Variants in PDE4D observed in about 807,000 individuals in gnomAD.
PDE4D encodes the protein phosphodiesterase 4D.
Under a neutral mutation model 87.4 loss-of-function variants are expected in PDE4D, and 24 were observed. The observed-to-expected ratio is 0.27, with a 90% CI of 0.20 to 0.39. PDE4D has a LOEUF of 0.39. Among genes scored for constraint, PDE4D ranks in the 10% least tolerant of loss-of-function variants. The pLI, the probability that PDE4D is intolerant of heterozygous loss-of-function variation, is 1.00. For missense variants in PDE4D, 714 were observed against 1,041.0 expected, an observed-to-expected ratio of 0.69 and a Z score of 4.32; for synonymous variants, 384 against 383.2, an observed-to-expected ratio of 1.00 and a Z score of -0.02.
chr5:60,181,984 A>C lies in PDE4D; in HGVS notation c.42+3573T>G, dbSNP rs1300500492. 2.0e-5 allele frequency among the ~76,000 whole-genome samples: 3 copies of C among 152,212 alleles called. No individual in the cohort carries two copies. In the East Asian group the frequency reaches 5.8e-4, roughly 29 times the overall value. ...TCCCTCCCCTGATTAGCTAAAAGCC[A>C]GTAAGAAAGCAGGCATTAGCAGAGG... On this transcript the variant is annotated intron_variant, in intron 2 of 16. Coordinates refer to the PDE4D transcript ENST00000502484.
intron 1 of PDE4D, chr5:60,460,766 C>T: frequency 1.6e-6 from 1 of 607,870 alleles, no homozygotes; most frequent in Non-Finnish European, 2.9e-6. Flanking sequence ...AAGAACCAGA[C>T]CACAAGTCTC....
At chr5:60,211,075 G>A (rs1264209237) in intron 1 of PDE4D, among the ~76,000 whole-genome samples, 3 of 152,182 alleles carry the variant, frequency 2.0e-5, no homozygotes, top group Admixed American at 1.3e-4. Context: ...CTCTCCACCT[G>A]GGCGCTGGAA....
intron 1 of PDE4D, among the ~76,000 whole-genome samples, chr5:59,730,182 T>C (rs1251341353): frequency 6.6e-6 from 1 of 152,034 alleles, no homozygotes; most frequent in Non-Finnish European, 1.5e-5. Context: ...TTCAGGAATG[T>C]GCAAGCTGGA....
rs919034237 is a variant in PDE4D at position 59,072,498 on chromosome 5, C to A, written c.809-33527G>T. Among the ~76,000 whole-genome samples, 15 of 152,288 alleles carry A rather than the reference C, an allele frequency of 9.8e-5. No homozygotes were observed. In the South Asian group the frequency reaches 1.9e-3, roughly 19 times the overall value. ...GAATGGCACTCAGTCTTCAACCTGC[C>A]TAGGCCCCCCTTGTCTAGGGACGGT... On this transcript the variant is annotated intron_variant, in intron 5 of 14. Transcript: ENST00000340635.
At chr5:60,318,430 CTT>C (rs1460853425) in intron 1 of PDE4D, among the ~76,000 whole-genome samples, 2 of 152,166 alleles carry the variant, frequency 1.3e-5, no homozygotes, top group African/African-American at 2.4e-5. Context: ...GGTCTTGACT[CTT>C]TATCCAGTTT....
chr5:60,391,261 G>A (rs1196123658), intron 1 of PDE4D, among the ~76,000 whole-genome samples: 1 of 152,070 alleles, frequency 6.6e-6, no homozygotes, highest in Non-Finnish European at 1.5e-5. Flanking sequence ...TGATCACAGG[G>A]GGCTCCCAGT....
At chr5:59,678,974 C>G (rs577884358) in intron 1 of PDE4D, among the ~76,000 whole-genome samples, 1 of 152,156 alleles carries the variant, frequency 6.6e-6, no homozygotes, top group Non-Finnish European at 1.5e-5. Flanking sequence ...TTCTTTACCC[C>G]TTTCCTAGAC....
intron 1 of PDE4D, among the ~76,000 whole-genome samples, chr5:59,757,944 A>T (rs1580921984): frequency 6.6e-6 from 1 of 152,266 alleles, no homozygotes; most frequent in South Asian, 2.1e-4. Flanking sequence ...ACATGTGTAA[A>T]CTAATAAACT....
At chr5:59,299,723 T>C (rs1769811226) in intron 1 of PDE4D, among the ~76,000 whole-genome samples, 1 of 152,216 alleles carries the variant, frequency 6.6e-6, no homozygotes, top group South Asian at 2.1e-4. Flanking sequence ...TCCATATACT[T>C]GCTCTTCTGT....
At chr5:59,633,047 C>A (rs892666598) in intron 1 of PDE4D, among the ~76,000 whole-genome samples, 1 of 152,034 alleles carries the variant, frequency 6.6e-6, no homozygotes, top group Non-Finnish European at 1.5e-5. Context: ...CATAAATAAC[C>A]TGATGGAGTT....
At chr5:60,065,264 G>A (rs1360666665) in intron 2 of PDE4D, among the ~76,000 whole-genome samples, 1 of 135,606 alleles carries the variant, frequency 7.4e-6, no homozygotes, top group East Asian at 4.1e-4. Flanking sequence ...GTGCAAGTGT[G>A]TGTGTCGTGT....
intron 3 of PDE4D, among the ~76,000 whole-genome samples, chr5:59,970,750 C>T (rs1414771665): frequency 2.7e-5 from 4 of 148,084 alleles, no homozygotes; most frequent in African/African-American, 9.9e-5. Context: ...CACTTTTACA[C>T]TGTTGGTGGG....
intron 3 of PDE4D, among the ~76,000 whole-genome samples, chr5:59,908,567 C>T (rs952649784): frequency 3.3e-5 from 5 of 152,098 alleles, no homozygotes; most frequent in Non-Finnish European, 7.3e-5. Flanking sequence ...TCAAGATGTT[C>T]GCATATGTTT....
chr5:59,790,767 C>A (rs897990958), intron 1 of PDE4D, among the ~76,000 whole-genome samples: 2 of 152,156 alleles, frequency 1.3e-5, no homozygotes, highest in Non-Finnish European at 2.9e-5. Context: ...GCCTAATATG[C>A]AATTCATTGT....
intron 6 of PDE4D, among the ~76,000 whole-genome samples, chr5:59,026,876 T>G (rs1279302770): frequency 6.6e-6 from 1 of 152,242 alleles, no homozygotes; most frequent in Non-Finnish European, 1.5e-5. Flanking sequence ...TACTCTACAC[T>G]GTTTCCCATT....
At chr5:60,137,264 C>T (rs556519731) in intron 2 of PDE4D, among the ~76,000 whole-genome samples, 2 of 152,246 alleles carry the variant, frequency 1.3e-5, no homozygotes, top group South Asian at 2.1e-4. Flanking sequence ...TGAACATACA[C>T]GTGCATGTGT....
chr5:60,265,726 T>C (rs1455765519), intron 1 of PDE4D, among the ~76,000 whole-genome samples: 1 of 152,074 alleles, frequency 6.6e-6, no homozygotes, highest in East Asian at 1.9e-4. Flanking sequence ...CTCAAGCACA[T>C]AAAAGGGGCC....
At chr5:59,346,433 CT>C (rs527836367) in intron 1 of PDE4D, among the ~76,000 whole-genome samples, 22 of 148,948 alleles carry the variant, frequency 1.5e-4, no homozygotes, top group South Asian at 6.4e-4. Context: ...GACTGCGAGA[CT>C]TTTTTTTTTA....
intron 3 of PDE4D, among the ~76,000 whole-genome samples, chr5:59,914,763 C>T (rs1400562746): frequency 6.6e-6 from 1 of 151,224 alleles, no homozygotes; most frequent in Non-Finnish European, 1.5e-5. Flanking sequence ...AGATTGGAAG[C>T]TATTTCAACA....
Sources: allele counts gnomAD v4.1 joint callset (sites outside exome capture counted in the v4.1 genomes callset), GRCh38; gene constraint gnomAD v4.1.1; transcripts MANE v1.5; gene names NCBI Gene and HGNC (gene_info 2026-07-23, HGNC 2026-07-21).